SPAG16: variants seen among roughly 807,000 people sequenced by gnomAD.
SPAG16 encodes sperm associated antigen 16, also known as sperm-associated antigen 16 protein.
SPAG16 carries 86 observed loss-of-function variants against 80.4 expected under a neutral mutation model. The observed-to-expected ratio is 1.07, with a 90% CI of 0.90 to 1.28. The LOEUF is 1.28. Ranked by LOEUF, SPAG16 falls within the 50% of genes most tolerant of loss-of-function variation. The pLI is 0.00. For missense variants in SPAG16, 870 were observed against 765.3 expected (o/e 1.14, Z -1.61); for synonymous variants, 294 against 265.9 (o/e 1.11, Z -1.03).
intron 10 of SPAG16, among the ~76,000 whole-genome samples, chr2:213,650,608 AG>A (rs1419142569): frequency 2.6e-5 from 4 of 152,222 alleles, no homozygotes; most frequent in Non-Finnish European, 5.9e-5. Flanking sequence ...TAACTAAGGA[AG>A]AAAAAACTAT....
At chr2:213,829,734 C>A (rs2073517821) in intron 10 of SPAG16, among the ~76,000 whole-genome samples, 1 of 152,136 alleles carries the variant, frequency 6.6e-6, no homozygotes, top group Admixed American at 6.5e-5. Context: ...CCTTCAAGGA[C>A]CGGGTCCTTC....
chr2:213,409,006 G>A (rs10197091), intron 9 of SPAG16, among the ~76,000 whole-genome samples: 4 of 151,474 alleles, frequency 2.6e-5, no homozygotes, highest in Non-Finnish European at 2.9e-5. Context: ...AAGGAAGTTC[G>A]CTTTGAAAAA....
chr2:213,345,978 G>A (rs1258833999), intron 6 of SPAG16, among the ~76,000 whole-genome samples: 3 of 152,122 alleles, frequency 2.0e-5, no homozygotes, highest in African/African-American at 4.8e-5. Context: ...GGGCAGTATG[G>A]CCATTTTCAC....
chr2:214,096,371 C>T (rs944853414), intron 13 of SPAG16, among the ~76,000 whole-genome samples: 5 of 151,748 alleles, frequency 3.3e-5, no homozygotes, highest in South Asian at 4.2e-4. Flanking sequence ...CTGTTCGGCT[C>T]AATCACTGTG....
At chr2:213,801,880 A>G (rs968373262) in intron 10 of SPAG16, among the ~76,000 whole-genome samples, 7 of 152,222 alleles carry the variant, frequency 4.6e-5, no homozygotes, top group Non-Finnish European at 8.8e-5. Context: ...AGTTTATTTG[A>G]TAAGTTTGAG....
intron 7 of SPAG16, among the ~76,000 whole-genome samples, chr2:213,361,378 G>GTGTGTA (rs753903147): frequency 1.3e-4 from 19 of 147,102 alleles, no homozygotes; most frequent in Middle Eastern, 7.0e-3. Flanking sequence ...GTGTGTGTGT[G>GTGTGTA]TATATATATA....
At chr2:213,653,037 C>T (rs1236256658) in intron 10 of SPAG16, among the ~76,000 whole-genome samples, 11 of 152,134 alleles carry the variant, frequency 7.2e-5, no homozygotes, top group South Asian at 4.1e-4. Flanking sequence ...GTTCACTGCC[C>T]GGCATCTTCT....
chr2:213,941,100 C>A (rs1206254667), intron 12 of SPAG16, among the ~76,000 whole-genome samples: 1 of 152,080 alleles, frequency 6.6e-6, no homozygotes, highest in Non-Finnish European at 1.5e-5. Flanking sequence ...AAATGCCATC[C>A]CTTATATTCT....
At chr2:213,289,251 A>G (rs1229378338) in intron 1 of SPAG16, among the ~76,000 whole-genome samples, 1 of 152,272 alleles carries the variant, frequency 6.6e-6, no homozygotes, top group Non-Finnish European at 1.5e-5. Flanking sequence ...AGATAGAAAT[A>G]TCACATGTGG....
At chr2:214,107,081 C>A (rs1377306190) in intron 13 of SPAG16, among the ~76,000 whole-genome samples, 1 of 152,056 alleles carries the variant, frequency 6.6e-6, no homozygotes, top group Non-Finnish European at 1.5e-5. Context: ...CTGGGTGAAG[C>A]CAAACTGGAT....
At chr2:213,862,454 C>T (rs530777172) in intron 10 of SPAG16, 31 bp from the exon 11 acceptor site, 3 of 1,609,978 alleles carry the variant, frequency 1.9e-6, no homozygotes, top group Admixed American at 1.7e-5. Flanking sequence ...TATTATCTCC[C>T]CATAACTCTT....
intron 10 of SPAG16, among the ~76,000 whole-genome samples, chr2:213,720,681 A>T (rs535017132): frequency 1.3e-5 from 2 of 150,690 alleles, no homozygotes; most frequent in Middle Eastern, 3.4e-3. Context: ...CCTCACAGTG[A>T]TGTTAGAAGG....
At chr2:213,387,826 C>T (rs1321570274) in intron 9 of SPAG16, among the ~76,000 whole-genome samples, 1 of 151,934 alleles carries the variant, frequency 6.6e-6, no homozygotes, top group African/African-American at 2.4e-5. Context: ...TATCTGTAAA[C>T]ATATTTATAT....
At chr2:214,323,209 C>T (rs1187354149) in intron 15 of SPAG16, among the ~76,000 whole-genome samples, 2 of 152,066 alleles carry the variant, frequency 1.3e-5, no homozygotes, top group Admixed American at 6.6e-5. Context: ...GTGCTCTCCC[C>T]GTCTCTCTAC....
chr2:213,920,922 G>A (rs530171410), intron 11 of SPAG16, among the ~76,000 whole-genome samples: 240 of 152,300 alleles, frequency 1.6e-3, no homozygotes, highest in African/African-American at 4.3e-3. Context: ...TCAAGTATCC[G>A]TCATAGTTTA....
At chr2:213,839,101 T>C (rs886583788) in intron 10 of SPAG16, among the ~76,000 whole-genome samples, 1 of 152,246 alleles carries the variant, frequency 6.6e-6, no homozygotes, top group Non-Finnish European at 1.5e-5. Context: ...CCTCAGAGAC[T>C]GTGAACTACA....
intron 10 of SPAG16, among the ~76,000 whole-genome samples, chr2:213,503,696 A>G (rs2074845793): frequency 6.6e-6 from 1 of 152,238 alleles, no homozygotes; most frequent in South Asian, 2.1e-4. Context: ...ATAAATCATT[A>G]AACAAGAACA....
At chr2:214,038,810 G>C (rs1400633980) in intron 13 of SPAG16, among the ~76,000 whole-genome samples, 2 of 150,930 alleles carry the variant, frequency 1.3e-5, no homozygotes, top group Admixed American at 6.7e-5. Flanking sequence ...TTTTGTCCTT[G>C]TGATAGTTTG....
At position 214,234,081 on chromosome 2, in the gene SPAG16, C is replaced by CG. The variant is rs550688930; in HGVS notation, c.1720+84815_1720+84816insG. Among the ~76,000 whole-genome samples the CG allele has an allele frequency of 2.3e-4, 35 of 151,682 alleles. No homozygotes were observed. The East Asian group carries it at 4.3e-3, about 19-fold the overall frequency. On this transcript the variant is annotated intron_variant, in intron 15 of 15. Transcript: ENST00000331683. ...GCCCCAGTATGTGTTGTTTCCCCCC[C>CG]CATGTGTCCATGTGTTCTCATTATT...
Sources: allele counts gnomAD v4.1 joint callset (sites outside exome capture counted in the v4.1 genomes callset), GRCh38; gene constraint gnomAD v4.1.1; transcripts MANE v1.5; gene names NCBI Gene and HGNC (gene_info 2026-07-23, HGNC 2026-07-21).